UGT1A8: variants seen among roughly 807,000 people sequenced by gnomAD.
UGT1A8 encodes UDP-glucuronosyltransferase 1A8.
A neutral mutation model predicts 45.3 loss-of-function variants in UGT1A8; 39 were observed. That is an observed-to-expected ratio of 0.86 (90% CI 0.67 to 1.12). The LOEUF (loss-of-function observed/expected upper bound fraction) is 1.12. UGT1A8 is among the 50% of genes most tolerant of loss of function. The pLI is 0.00. For missense variants in UGT1A8, 719 were observed against 664.9 expected (o/e 1.08, Z -0.90); for synonymous variants, 275 against 249.2 (o/e 1.10, Z -0.97).
In UGT1A8 at chr2:233,769,471, G is replaced by T. The variant is rs969663450; in HGVS notation, c.1295+1032G>T. On this transcript the variant is annotated intron_variant, in intron 4 of 4. Coordinates refer to ENST00000373450, the MANE Select transcript of UGT1A8 (RefSeq NM_019076.5). The surrounding 1 kb of genome is among the most constrained non-coding windows in gnomAD (Gnocchi z 4.4). ...CACGTGTGCATTCATATGCGTGTGT[G>T]TGTGTGTGCGTGTGTTTATGAGAGT... The T allele has an allele frequency of 2.5e-6, 4 of 1,609,228 alleles. No homozygotes were observed. The African/African-American group carries it at 5.3e-5, about 21-fold the overall frequency.
intron 1 of UGT1A8, among the ~76,000 whole-genome samples, chr2:233,757,104 A>T (rs1373220200): frequency 1.3e-5 from 2 of 151,154 alleles, no homozygotes; most frequent in African/African-American, 2.4e-5. Flanking sequence ...GGGAGGGGGC[A>T]AGCAGAAGGG....
intron 1 of UGT1A8, chr2:233,636,620 T>C (rs993410565): frequency 6.2e-7 from 1 of 1,614,152 alleles, no homozygotes; most frequent in Non-Finnish European, 8.5e-7. Context: ...GTAGTGCCCA[T>C]GGATGGGAGT....
intron 1 of UGT1A8, among the ~76,000 whole-genome samples, chr2:233,640,436 G>A (rs902645465): frequency 9.9e-5 from 15 of 151,702 alleles, no homozygotes; most frequent in African/African-American, 3.4e-4. Context: ...CCACAATATC[G>A]TTATCACACC....
chr2:233,710,028 T>G (rs1217910588), intron 1 of UGT1A8, among the ~76,000 whole-genome samples: 1 of 152,260 alleles, frequency 6.6e-6, no homozygotes, highest in Non-Finnish European at 1.5e-5. Flanking sequence ...ACAGGTATAC[T>G]GTTTTGTGTC....
At chr2:233,761,009 A>G (rs1395770157) in intron 1 of UGT1A8, 4 of 1,613,884 alleles carry the variant, frequency 2.5e-6, no homozygotes, top group Non-Finnish European at 3.4e-6. Flanking sequence ...CTTCAGAGAG[A>G]GGTGACTGTC....
At chr2:233,711,359 T>G (rs576618910) in intron 1 of UGT1A8, among the ~76,000 whole-genome samples, 1 of 152,314 alleles carries the variant, frequency 6.6e-6, no homozygotes, top group East Asian at 1.9e-4. Context: ...GGGAGCCCCC[T>G]GAATGTGGTG....
rs12471326 is a variant in UGT1A8 at position 233,767,812 on chromosome 2, T to C, written c.988-37T>C. ...AGATTTGTTTTCTAATCATATTATGTTCTTTCTTTACGTTCTGCTCTTTTT... is the reference window on the plus strand; with the variant it reads ...AGATTTGTTTTCTAATCATATTATGCTCTTTCTTTACGTTCTGCTCTTTTT... On this transcript the variant is annotated intron_variant, in intron 2 of 4. Transcript: ENST00000373450. The C allele has an allele frequency of 0.03, 48,630 of 1,614,140 alleles. 974 individuals are homozygous for C. The highest frequency in any genetic ancestry group is 0.09 in the Admixed American group (5,377 of 60,016).
At chr2:233,660,271 C>T (rs925955295) in intron 1 of UGT1A8, among the ~76,000 whole-genome samples, 1 of 152,164 alleles carries the variant, frequency 6.6e-6, no homozygotes, top group East Asian at 1.9e-4. Flanking sequence ...GTTGACAATC[C>T]TTTCCATAGA....
At position 233,767,956 on chromosome 2, in the gene UGT1A8, T is replaced by C; in HGVS notation, c.1075+20T>C. The stretch of plus-strand genomic sequence containing the variant: ...TGCTTGGTATGTTGGGCGGATTGGA[T>C]GTATAGGTCAAACCAGGGTCAAATT... On this transcript the variant is annotated intron_variant, in intron 3 of 4. Coordinates refer to ENST00000373450, the MANE Select transcript of UGT1A8 (RefSeq NM_019076.5). 1.9e-6 allele frequency: 3 copies of C among 1,614,192 alleles called. No homozygotes were observed. Among genetic ancestry groups the C allele is most frequent in the Non-Finnish European group, 2.5e-6 (3 of 1,180,026 alleles).
At chr2:233,691,182 A>G (rs2125547738) in intron 1 of UGT1A8, 3 of 985,712 alleles carry the variant, frequency 3.0e-6, no homozygotes, top group South Asian at 9.4e-5. Flanking sequence ...TGCCTGCTCA[A>G]GAAGGTGGAC....
intron 1 of UGT1A8, chr2:233,672,894 A>G (rs1354580302): frequency 6.6e-7 from 1 of 1,513,026 alleles, no homozygotes; most frequent in African/African-American, 1.4e-5. Flanking sequence ...TTTCATTTCA[A>G]ATTTCTTTCC....
chr2:233,628,769 G>A (rs909752625), intron 1 of UGT1A8, among the ~76,000 whole-genome samples: 1 of 152,128 alleles, frequency 6.6e-6, no homozygotes, highest in Non-Finnish European at 1.5e-5. Flanking sequence ...TCCTTCATTA[G>A]TTTAAGATAC....
At chr2:233,713,191 T>C in intron 1 of UGT1A8, 1 of 1,614,204 alleles carries the variant, frequency 6.2e-7, no homozygotes, top group Non-Finnish European at 8.5e-7. Flanking sequence ...GAGGTGAATA[T>C]GTACATCAAA....
chr2:233,738,758 A>C (rs1324483464), intron 1 of UGT1A8, among the ~76,000 whole-genome samples: 1 of 152,234 alleles, frequency 6.6e-6, no homozygotes, highest in Non-Finnish European at 1.5e-5. Flanking sequence ...AGAAAAGAAA[A>C]ACCCATTTTA....
chr2:233,710,732 C>T (rs1375598699), intron 1 of UGT1A8, among the ~76,000 whole-genome samples: 1 of 152,164 alleles, frequency 6.6e-6, no homozygotes, highest in Non-Finnish European at 1.5e-5. Context: ...AAAACAACGT[C>T]TTTCAAGGAG....
intron 1 of UGT1A8, among the ~76,000 whole-genome samples, chr2:233,749,246 T>C (rs765293150): frequency 2.6e-5 from 4 of 151,942 alleles, no homozygotes; most frequent in East Asian, 1.9e-4. Flanking sequence ...TCAAACCACA[T>C]GATTTTTTTA....
In UGT1A8 at chr2:233,755,078, G is replaced by C. The variant is rs756759474; in HGVS notation, c.856-11956G>C. On this transcript the variant is annotated intron_variant, in intron 1 of 4. Coordinates refer to ENST00000373450, the MANE Select transcript of UGT1A8 (RefSeq NM_019076.5). ...CCCTCGCCTCGCCATAGCGGTCATAGATATCGCGTTTCTACGCGTCCGACA... is the reference window on the plus strand; with the variant it reads ...CCCTCGCCTCGCCATAGCGGTCATACATATCGCGTTTCTACGCGTCCGACA... The C allele has an allele frequency of 6.7e-6, 9 of 1,336,426 alleles. No homozygotes were observed. In the East Asian group the frequency reaches 2.3e-4, roughly 34 times the overall value. The allele number at this position is 1,336,426 out of a possible 1,614,324, so 82.8% of individuals were successfully genotyped here.
intron 1 of UGT1A8, chr2:233,729,420 A>G (rs2077855113): frequency 5.6e-6 from 9 of 1,613,854 alleles, no homozygotes; most frequent in Middle Eastern, 1.7e-4. Flanking sequence ...GCCACACTCA[A>G]CTGTACTTTG....
rs1169800430 is a variant in UGT1A8 at position 233,672,684 on chromosome 2, T to G, written c.855+54122T>G. ...ATGATCTCTACAGCCACACATCAAT[T>G]TGGTTGTTGCGAACGGACTTTGTTT... On this transcript the variant is annotated intron_variant, in intron 1 of 4. Coordinates refer to ENST00000373450, the MANE Select transcript of UGT1A8 (RefSeq NM_019076.5). 16 of 1,613,764 alleles carry G rather than the reference T, an allele frequency of 9.9e-6. No individual in the cohort carries two copies. The highest frequency in any genetic ancestry group is 1.3e-5 in the Non-Finnish European group (15 of 1,179,834).
Sources: gnomAD v4.1 joint callset for allele counts (sites outside exome capture counted in the v4.1 genomes callset) on GRCh38, gnomAD v4.1.1 for gene constraint, Gnocchi (gnomAD v3.1) non-coding constraint, MANE v1.5 for transcripts, NCBI Gene and HGNC (gene_info 2026-07-23, HGNC 2026-07-21) for gene names.